Variants in TBC1D30 observed in about 807,000 individuals in gnomAD.
TBC1D30 encodes the protein TBC1 domain family, member 30.
In TBC1D30, 31 loss-of-function variants were observed where a neutral mutation model predicts 63.2. The ratio of observed to expected loss-of-function variants is 0.49; its 90% CI spans 0.37 to 0.66. The LOEUF (loss-of-function observed/expected upper bound fraction) is 0.66. Ranked by LOEUF, TBC1D30 falls within the 30% of genes least tolerant of loss-of-function variation. TBC1D30 has a pLI of 0.00. For synonymous variants in TBC1D30, 307 were observed against 361.5 expected, an observed-to-expected ratio of 0.85 and a Z score of 1.71; for missense variants, 810 against 953.6, an observed-to-expected ratio of 0.85 and a Z score of 1.98.
intron 1 of TBC1D30, among the ~76,000 whole-genome samples, chr12:64,761,230 G>A (rs1340732689): frequency 6.6e-6 from 1 of 152,084 alleles, no homozygotes; most frequent in African/African-American, 2.4e-5. Flanking sequence ...CATCTGTATC[G>A]AAGCCCCAAA....
chr12:64,859,098 T>C (rs1877563735), intron 8 of TBC1D30, among the ~76,000 whole-genome samples: 1 of 151,900 alleles, frequency 6.6e-6, no homozygotes, highest in Admixed American at 6.6e-5. Flanking sequence ...TGTGTGTGTG[T>C]GTGGAGGGGT....
rs375131586 is a variant in TBC1D30, at chr12:64,875,350, G to A, written c.1848G>A (p.Ala616=). Reference sequence around the variant, plus strand: ...AGGCATTCCCCTCTGGTTGTACAGCGACAGCTGGGAGAGAAGGCAGCAGCC... The same window carrying A: ...AGGCATTCCCCTCTGGTTGTACAGCAACAGCTGGGAGAGAAGGCAGCAGCC... ...AAEAFPSGCT[A]TAGREGSSPE... Residue 616 remains alanine, a synonymous_variant, in exon 12 of 12, where the codon GCG becomes GCA. Transcript: ENST00000539867. 88 of 1,536,254 alleles carry A rather than the reference G, an allele frequency of 5.7e-5. 1 individual carries two copies. In the African/African-American group the frequency reaches 1.0e-3, roughly 18 times the overall value.
At chr12:64,826,222 T>C (rs1244616915) in intron 1 of TBC1D30, among the ~76,000 whole-genome samples, 1 of 152,158 alleles carries the variant, frequency 6.6e-6, no homozygotes, top group Non-Finnish European at 1.5e-5. Flanking sequence ...AGTGACCTGG[T>C]TTAAGCTTTT....
At chr12:64,762,731 T>C (rs999227396) in intron 1 of TBC1D30, among the ~76,000 whole-genome samples, 1 of 152,252 alleles carries the variant, frequency 6.6e-6, no homozygotes, top group Non-Finnish European at 1.5e-5. Context: ...CTATGTGCTC[T>C]TTAATCATCT....
chr12:64,779,692 T>C (rs1242222491), upstream of TBC1D30, among the ~76,000 whole-genome samples: 1 of 152,102 alleles, frequency 6.6e-6, no homozygotes, highest in African/African-American at 2.4e-5. Context: ...ATTTGACTAA[T>C]ATATATTCAT....
intron 5 of TBC1D30, among the ~76,000 whole-genome samples, chr12:64,835,543 G>C (rs1467888869): frequency 6.6e-6 from 1 of 152,154 alleles, no homozygotes; most frequent in Non-Finnish European, 1.5e-5. Flanking sequence ...GGAAGGAGCT[G>C]GTCTTTTAGG....
chr12:64,827,939 C>G (rs1322073878), intron 2 of TBC1D30, 43 bp downstream of exon 2: 17 of 1,306,774 alleles, frequency 1.3e-5, no homozygotes, highest in Non-Finnish European at 1.7e-5. Flanking sequence ...GGGTTACCAA[C>G]AGGGCACATT....
intron 8 of TBC1D30, among the ~76,000 whole-genome samples, chr12:64,853,717 C>A (rs1035792039): frequency 1.3e-5 from 2 of 152,300 alleles, no homozygotes; most frequent in South Asian, 4.1e-4. Flanking sequence ...TGGCACAATC[C>A]CTCAAGGCTT....
At chr12:64,783,633 T>C (rs1871400513) in intron 1 of TBC1D30, among the ~76,000 whole-genome samples, 2 of 151,794 alleles carry the variant, frequency 1.3e-5, no homozygotes. Flanking sequence ...CAGCAGATAT[T>C]GCTGTAAAAG....
At chr12:64,868,097 G>A in intron 10 of TBC1D30, 1 of 168,722 alleles carries the variant, frequency 5.9e-6, no homozygotes, top group Non-Finnish European at 1.3e-5. Flanking sequence ...TGGCTTCTTT[G>A]AAGCCTTTTC....
At chr12:64,786,257 T>G (rs965241239) in intron 2 of TBC1D30, among the ~76,000 whole-genome samples, 1 of 152,246 alleles carries the variant, frequency 6.6e-6, no homozygotes, top group Non-Finnish European at 1.5e-5. Context: ...GATTTATTAT[T>G]CTAGATTTGA....
chr12:64,794,433 T>G (rs1872127900), intron 2 of TBC1D30, among the ~76,000 whole-genome samples: 1 of 152,154 alleles, frequency 6.6e-6, no homozygotes, highest in African/African-American at 2.4e-5. Context: ...AGACAAGTTC[T>G]GTAATGTTCT....
rs773241075 is a variant in TBC1D30 at position 64,878,630 on chromosome 12, G to T, written c.*2842G>T. On this transcript the variant is annotated 3_prime_UTR_variant, in exon 12 of 12. Transcript: ENST00000539867. The stretch of plus-strand genomic sequence containing the variant: ...TATATGCATAAAGATTCTCATTGTT[G>T]TAACTGTTCTGCCATTTTCTGAGTG... 1 of 441,008 alleles carries T rather than the reference G, an allele frequency of 2.3e-6. No homozygotes were observed. The highest frequency in any genetic ancestry group is 7.0e-5 in the East Asian group (1 of 14,192). The allele number at this position is 441,008 out of a possible 1,614,324, so 27.3% of individuals were successfully genotyped here.
intron 5 of TBC1D30, among the ~76,000 whole-genome samples, chr12:64,835,384 T>C (rs1875251890): frequency 6.6e-6 from 1 of 152,050 alleles, no homozygotes; most frequent in South Asian, 2.1e-4. Flanking sequence ...TTTTTGTTTT[T>C]GTGGGGCGGG....
chr12:64,842,753 A>G (rs1164878166), intron 7 of TBC1D30, among the ~76,000 whole-genome samples: 1 of 152,124 alleles, frequency 6.6e-6, no homozygotes, highest in Non-Finnish European at 1.5e-5. Context: ...TTAGTACCCA[A>G]TTTCATGGTT....
chr12:64,827,255 G>A (rs575230263), intron 1 of TBC1D30, among the ~76,000 whole-genome samples: 1 of 152,260 alleles, frequency 6.6e-6, no homozygotes, highest in African/African-American at 2.4e-5. Flanking sequence ...TTTCAGATCA[G>A]CCTGACCAAC....
intron 1 of TBC1D30, among the ~76,000 whole-genome samples, chr12:64,767,106 T>C (rs147514498): frequency 9.9e-5 from 15 of 152,088 alleles, no homozygotes; most frequent in Admixed American, 2.0e-4. Flanking sequence ...TGATCTCATA[T>C]CATTAATTTA....
chr12:64,788,086 G>A (rs79894350), intron 2 of TBC1D30, among the ~76,000 whole-genome samples: 6 of 151,906 alleles, frequency 3.9e-5, no homozygotes, highest in African/African-American at 7.2e-5. Context: ...TATCACTGTC[G>A]TTCATACAAA....
intron 1 of TBC1D30, among the ~76,000 whole-genome samples, chr12:64,773,562 G>C (rs1340923422): frequency 6.6e-6 from 1 of 152,206 alleles, no homozygotes; most frequent in East Asian, 1.9e-4. Flanking sequence ...GGGGTCTTCA[G>C]CCACCTTCTA....
Sources: allele counts gnomAD v4.1 joint callset (sites outside exome capture counted in the v4.1 genomes callset), GRCh38; gene constraint gnomAD v4.1.1; transcripts MANE v1.5; gene names NCBI Gene and HGNC (gene_info 2026-07-23, HGNC 2026-07-21).